The following DHX37 variants were observed in gnomAD, a reference collection of about 807,000 sequenced individuals.
DHX37 encodes the protein probable ATP-dependent RNA helicase DHX37.
DHX37 carries 52 observed loss-of-function variants against 134.3 expected under a neutral mutation model. The ratio of observed to expected loss-of-function variants is 0.39; its 90% CI spans 0.31 to 0.49. DHX37 has a LOEUF of 0.49. Among genes scored for constraint, DHX37 ranks in the 20% least tolerant of loss-of-function variants. The probability of loss-of-function intolerance (pLI) is 0.93; values close to 1 mark genes in which losing one functional copy is unlikely to be tolerated. For missense variants in DHX37, 1,344 were observed against 1,580.8 expected (o/e 0.85, Z 2.54); for synonymous variants, 634 against 670.7 (o/e 0.95, Z 0.85).
At chr12:124,979,545 T>C (rs1369278996) in intron 4 of DHX37, among the ~76,000 whole-genome samples, 1 of 152,164 alleles carries the variant, frequency 6.6e-6, no homozygotes, top group Non-Finnish European at 1.5e-5. Context: ...TCCCAAGATA[T>C]AATGCTGAGT....
intron 4 of DHX37, 32 bp from the exon 5 acceptor site, chr12:124,977,522 C>G (rs1047204922): frequency 1.3e-6 from 2 of 1,571,182 alleles, no homozygotes; most frequent in Non-Finnish European, 1.7e-6. Flanking sequence ...ACTTAGGGAG[C>G]AGCAAGACTA....
At chr12:124,966,060 G>A (rs892290421) in intron 12 of DHX37, among the ~76,000 whole-genome samples, 2 of 152,320 alleles carry the variant, frequency 1.3e-5, no homozygotes, top group East Asian at 1.9e-4. Context: ...AACCTGGATC[G>A]CTGCCTGACA....
At chr12:124,971,723 C>T (rs1954526721) in intron 7 of DHX37, among the ~76,000 whole-genome samples, 1 of 152,198 alleles carries the variant, frequency 6.6e-6, no homozygotes, top group South Asian at 2.1e-4. Context: ...GCTGGAATCA[C>T]CTTTGCCATC....
chr12:124,954,728 T>C (rs923579841), intron 18 of DHX37, among the ~76,000 whole-genome samples: 9 of 152,202 alleles, frequency 5.9e-5, no homozygotes, highest in Admixed American at 3.3e-4. Context: ...TAAAAAACTC[T>C]GCAAACTGCT....
In DHX37 at chr12:124,980,481, G is replaced by A. The variant is rs1565892894; in HGVS notation, c.738+9C>T. 3.1e-6 allele frequency: 5 copies of A among 1,605,400 alleles called. No homozygotes were observed. Among genetic ancestry groups the A allele is most frequent in the Non-Finnish European group, 3.4e-6 (4 of 1,177,808 alleles). On this transcript the variant is annotated intron_variant, in intron 4 of 26. Coordinates refer to ENST00000308736, the MANE Select transcript of DHX37 (RefSeq NM_032656.4). The surrounding 1 kb of genome is among the most constrained non-coding windows in gnomAD (Gnocchi z 5.3). ...CTAGATTCTTAATCACAAACACGGGGTGGCGAACCTGCATTTCCGGGGAGC... is the reference window on the plus strand; with the variant it reads ...CTAGATTCTTAATCACAAACACGGGATGGCGAACCTGCATTTCCGGGGAGC...
At chr12:124,987,296 T>C (rs929566993) in intron 1 of DHX37, among the ~76,000 whole-genome samples, 3 of 152,108 alleles carry the variant, frequency 2.0e-5, no homozygotes, top group Non-Finnish European at 2.9e-5. Flanking sequence ...TGAGCAGAGA[T>C]CACGCCACTG....
chr12:124,978,133 G>A (rs1278090967), intron 4 of DHX37, among the ~76,000 whole-genome samples: 2 of 151,792 alleles, frequency 1.3e-5, no homozygotes, highest in Non-Finnish European at 2.9e-5. Flanking sequence ...GCTAATTTTT[G>A]TATTTTTAGT....
rs113056210 is a variant in DHX37 at position 124,968,826 on chromosome 12, G to C, written c.1293+41C>G. On this transcript the variant is annotated intron_variant, in intron 9 of 26. Transcript: ENST00000308736. ...GGGCTCCCGACACCAGGGCGTCCTT[G>C]TGCCATCCAAGCTCACAGAGGACAT... 643 of 1,611,840 alleles carry C rather than the reference G, an allele frequency of 4.0e-4. 7 individuals carry two copies. In the African/African-American group the frequency reaches 7.4e-3, roughly 18 times the overall value.
chr12:124,963,363 A>G (rs935696003), intron 15 of DHX37, among the ~76,000 whole-genome samples: 2 of 152,120 alleles, frequency 1.3e-5, no homozygotes, highest in Non-Finnish European at 2.9e-5. Context: ...GGCGGGGAAG[A>G]AGGGGGGTGA....
chr12:124,956,884 A>G lies in DHX37; in HGVS notation c.2265-5T>C. On this transcript the variant is annotated splice_region_variant and splice_polypyrimidine_tract_variant and intron_variant, in intron 17 of 26. Coordinates refer to ENST00000308736, the MANE Select transcript of DHX37 (RefSeq NM_032656.4). ...TTCTCCTGCAGTTGCTTCACCCTGG[A>G]GATGGAGGTGGTGGTGGCAGTGCTC... 1 of 1,581,370 alleles carries G rather than the reference A, an allele frequency of 6.3e-7. No homozygotes were observed. Among genetic ancestry groups the G allele is most frequent in the Non-Finnish European group, 8.6e-7 (1 of 1,157,566 alleles).
Position 124,966,789 on chromosome 12 carries a change from G to C in DHX37, c.1590+4C>G. The C allele has an allele frequency of 1.2e-6, 2 of 1,614,150 alleles. No individual in the cohort carries two copies. Among genetic ancestry groups the C allele is most frequent in the African/African-American group, 2.7e-5 (2 of 75,054 alleles). ...CCAGGAGTCCCTGCCAGCCCCCCAC[G>C]TACCTCAGCCCGCGCCTTCTTGGCC... On this transcript the variant is annotated splice_donor_region_variant and intron_variant, in intron 12 of 26. Coordinates refer to ENST00000308736, the MANE Select transcript of DHX37 (RefSeq NM_032656.4).
rs71092252 is a variant in DHX37, at chr12:124,973,638, C to CTTTTTTTTTTTTTTTTTTTTTTTTTT, written c.981-1040_981-1039insAAAAAAAAAAAAAAAAAAAAAAAAAA. Among the ~76,000 whole-genome samples the CTTTTTTTTTTTTTTTTTTTTTTTTTT allele has an allele frequency of 1.9e-5, 2 of 102,874 alleles. 1 individual carries two copies. Among genetic ancestry groups the CTTTTTTTTTTTTTTTTTTTTTTTTTT allele is most frequent in the Non-Finnish European group, 3.7e-5 (2 of 53,758 alleles). The allele number at this position is 102,874 out of a possible 152,430, so 67.5% of individuals were successfully genotyped here. A position where few individuals can be genotyped will look rare whatever the true frequency, so the allele number is the denominator to read the frequency against. Reference sequence around the variant, plus strand: ...TTATGTATATGCGCCCCCCCCAACGCTTTTTTTTTTTTTTTTTTTTGAGAT... The same window carrying CTTTTTTTTTTTTTTTTTTTTTTTTTT: ...TTATGTATATGCGCCCCCCCCAACGCTTTTTTTTTTTTTTTTTTTTTTTTTTTTTTTTTTTTTTTTTTTTTTGAGAT... On this transcript the variant is annotated intron_variant, in intron 6 of 26. Coordinates refer to ENST00000308736, the MANE Select transcript of DHX37 (RefSeq NM_032656.4).
At chr12:124,955,445 G>A (rs1954073108) in intron 18 of DHX37, among the ~76,000 whole-genome samples, 1 of 152,238 alleles carries the variant, frequency 6.6e-6, no homozygotes, top group Admixed American at 6.5e-5. Context: ...CTGACGAATA[G>A]CTGGGATTAC....
chr12:124,963,898 A>AG (rs1474407395), intron 15 of DHX37, among the ~76,000 whole-genome samples: 2 of 123,262 alleles, frequency 1.6e-5, no homozygotes, highest in Non-Finnish European at 3.5e-5. Flanking sequence ...AAAAAAAAAA[A>AG]AAAAAAGAAA....
intron 8 of DHX37, among the ~76,000 whole-genome samples, chr12:124,969,434 C>T (rs1182864570): frequency 2.0e-5 from 3 of 152,154 alleles, no homozygotes; most frequent in African/African-American, 4.8e-5. Flanking sequence ...CTACGAAACC[C>T]CAAACCCAGA....
At chr12:124,963,939 C>A (rs1954324757) in intron 15 of DHX37, among the ~76,000 whole-genome samples, 2 of 149,528 alleles carry the variant, frequency 1.3e-5, no homozygotes, top group South Asian at 4.2e-4. Flanking sequence ...TGGTGGCTCA[C>A]CTGAACTCAG....
intron 6 of DHX37, among the ~76,000 whole-genome samples, chr12:124,973,495 A>G (rs1010051294): frequency 7.1e-6 from 1 of 140,672 alleles, no homozygotes; most frequent in African/African-American, 2.6e-5. Flanking sequence ...TTGCTTCTAA[A>G]CAGTGGGGGG....
At chr12:124,964,898 C>T (rs1330315469) in intron 14 of DHX37, 32 bp downstream of exon 14, 2 of 1,565,956 alleles carry the variant, frequency 1.3e-6, no homozygotes, top group East Asian at 2.3e-5. Context: ...TAAAAGTGCC[C>T]CAAAAGCTGG....
At chr12:124,961,218 G>A (rs1252716356) in intron 15 of DHX37, among the ~76,000 whole-genome samples, 3 of 112,118 alleles carry the variant, frequency 2.7e-5, no homozygotes, top group Admixed American at 1.6e-4. Flanking sequence ...GTGCACGCAC[G>A]CACACGCACG....
Sources: gnomAD v4.1 joint callset for allele counts (sites outside exome capture counted in the v4.1 genomes callset) on GRCh38, gnomAD v4.1.1 for gene constraint, Gnocchi (gnomAD v3.1) non-coding constraint, MANE v1.5 for transcripts, NCBI Gene and HGNC (gene_info 2026-07-23, HGNC 2026-07-21) for gene names.